The following C8orf34 variants were observed in gnomAD, a reference collection of about 807,000 sequenced individuals.
C8orf34 encodes chromosome 8 open reading frame 34.
A neutral mutation model predicts 68.3 loss-of-function variants in C8orf34; 65 were observed. The ratio of observed to expected loss-of-function variants is 0.95; its 90% CI spans 0.78 to 1.17. C8orf34 has a LOEUF of 1.17. Ranked by LOEUF, C8orf34 falls within the 50% of genes most tolerant of loss-of-function variation. The pLI, the probability that C8orf34 is intolerant of heterozygous loss-of-function variation, is 0.00. For synonymous variants in C8orf34, 244 were observed against 241.2 expected, an observed-to-expected ratio of 1.01 and a Z score of -0.11; for missense variants, 664 against 655.4, an observed-to-expected ratio of 1.01 and a Z score of -0.14.
At chr8:68,641,486 G>A (rs76273019) in intron 8 of C8orf34, among the ~76,000 whole-genome samples, 2,139 of 152,290 alleles carry the variant, frequency 0.014, 56 homozygotes, top group African/African-American at 0.048. Context: ...CATTGCTTCA[G>A]ACAAGTAATA....
In C8orf34 at chr8:68,607,100, CA is replaced by C. The variant is rs1448561497; in HGVS notation, c.1106-33275del. Reference sequence around the variant, plus strand: ...ATCGTCAATCAGAGTCTATCGCCAACAGCTGAAGGTATCCCGAGGCTAGTCT... The same window carrying C: ...ATCGTCAATCAGAGTCTATCGCCAACGCTGAAGGTATCCCGAGGCTAGTCT... On this transcript the variant is annotated intron_variant, in intron 7 of 13. Transcript: ENST00000518698. 9.6e-4 allele frequency among the ~76,000 whole-genome samples: 146 copies of C among 152,114 alleles called. 2 individuals are homozygous for C. Among genetic ancestry groups the C allele is most frequent in the Non-Finnish European group, 4.4e-5 (3 of 68,024 alleles).
At chr8:68,816,561 C>T (rs1357242549) in intron 13 of C8orf34, among the ~76,000 whole-genome samples, 1 of 152,062 alleles carries the variant, frequency 6.6e-6, no homozygotes, top group Non-Finnish European at 1.5e-5. Flanking sequence ...TTAATGCTAG[C>T]CTTTTCTCTG....
At chr8:68,700,867 AAAATGG>A (rs1820995613) in intron 8 of C8orf34, among the ~76,000 whole-genome samples, 1 of 152,162 alleles carries the variant, frequency 6.6e-6, no homozygotes, top group South Asian at 2.1e-4. Flanking sequence ...TGGAATTCTA[AAAATGG>A]AAATTTAACA....
chr8:68,529,777 TA>T (rs1815168214), intron 6 of C8orf34, among the ~76,000 whole-genome samples: 1 of 152,164 alleles, frequency 6.6e-6, no homozygotes, highest in African/African-American at 2.4e-5. Flanking sequence ...TAGAAATAAT[TA>T]TATTATGTTT....
intron 6 of C8orf34, among the ~76,000 whole-genome samples, chr8:68,529,289 T>G (rs1286920813): frequency 6.6e-6 from 1 of 152,204 alleles, no homozygotes; most frequent in Non-Finnish European, 1.5e-5. Context: ...CTTGTCCAAG[T>G]TACCCAGTGT....
intron 10 of C8orf34, among the ~76,000 whole-genome samples, chr8:68,738,034 C>T (rs1822172615): frequency 6.6e-6 from 1 of 152,078 alleles, no homozygotes; most frequent in Admixed American, 6.6e-5. Context: ...AAATAAAACA[C>T]TGCTCAGCAA....
At chr8:68,608,467 A>G (rs780764267) in intron 7 of C8orf34, among the ~76,000 whole-genome samples, 5 of 151,880 alleles carry the variant, frequency 3.3e-5, no homozygotes, top group Non-Finnish European at 7.4e-5. Flanking sequence ...GAGAGGATGG[A>G]GAGAGAATTC....
chr8:68,506,889 TC>T (rs1481633620), intron 5 of C8orf34, among the ~76,000 whole-genome samples: 3 of 152,192 alleles, frequency 2.0e-5, no homozygotes, highest in Admixed American at 6.5e-5. Context: ...TGATAAGTTT[TC>T]TAGAGCCGTT....
intron 1 of C8orf34, among the ~76,000 whole-genome samples, chr8:68,354,792 G>A (rs903182161): frequency 2.4e-4 from 37 of 152,186 alleles, no homozygotes; most frequent in African/African-American, 7.5e-4. Context: ...AAAGTAGATC[G>A]TAAAGTCTTG....
In C8orf34 at chr8:68,753,090, C is replaced by T. The variant is rs547454512; in HGVS notation, c.1405-23309C>T. Among the ~76,000 whole-genome samples, 23 of 152,148 alleles carry T rather than the reference C, an allele frequency of 1.5e-4. No homozygotes were observed. The South Asian group carries it at 4.2e-3, about 27-fold the overall frequency. On this transcript the variant is annotated intron_variant, in intron 10 of 13. Coordinates refer to ENST00000518698, the MANE Select transcript of C8orf34 (RefSeq NM_052958.4). ...CTGTATTGCCACACATTATTTTGTC[C>T]TTGAAGGAAAGCTTAAAAGAAAATG...
intron 8 of C8orf34, among the ~76,000 whole-genome samples, chr8:68,650,580 C>T (rs13258211): frequency 0.51 from 75,736 of 149,750 alleles, 20,015 homozygotes; most frequent in Non-Finnish European, 0.61. Context: ...CCCGGGTTCA[C>T]GCCATTCTCC....
intron 1 of C8orf34, among the ~76,000 whole-genome samples, chr8:68,429,066 A>G (rs185762164): frequency 2.7e-4 from 41 of 152,296 alleles, no homozygotes; most frequent in Admixed American, 2.0e-4. Flanking sequence ...AGCACAAAGC[A>G]TAAAATGAAG....
intron 5 of C8orf34, among the ~76,000 whole-genome samples, chr8:68,512,334 T>C (rs1190045817): frequency 2.6e-5 from 4 of 152,198 alleles, no homozygotes; most frequent in African/African-American, 9.6e-5. Flanking sequence ...GAATTGAACA[T>C]CATTTTGGCA....
chr8:68,539,212 A>G (rs536115297), intron 7 of C8orf34, among the ~76,000 whole-genome samples: 1 of 152,320 alleles, frequency 6.6e-6, no homozygotes, highest in African/African-American at 2.4e-5. Context: ...AATGCTTTAT[A>G]AAATGGTGAT....
intron 1 of C8orf34, among the ~76,000 whole-genome samples, chr8:68,397,865 A>T (rs9298133): frequency 0.52 from 79,558 of 151,816 alleles, 20,851 homozygotes; most frequent in Non-Finnish European, 0.56. Context: ...ACCTCCTGGG[A>T]TCAAATGATT....
At chr8:68,551,551 T>C (rs1816071615) in intron 7 of C8orf34, among the ~76,000 whole-genome samples, 1 of 152,032 alleles carries the variant, frequency 6.6e-6, no homozygotes, top group Non-Finnish European at 1.5e-5. Flanking sequence ...TATAGGAGGT[T>C]TTTTGTTTGT....
intron 1 of C8orf34, among the ~76,000 whole-genome samples, chr8:68,425,559 T>C (rs1192943553): frequency 2.0e-5 from 3 of 152,110 alleles, no homozygotes; most frequent in Non-Finnish European, 4.4e-5. Context: ...ATGTACCAGA[T>C]CTTTACGATG....
intron 12 of C8orf34, among the ~76,000 whole-genome samples, chr8:68,789,961 G>A (rs965331948): frequency 5.3e-5 from 8 of 152,182 alleles, no homozygotes; most frequent in Non-Finnish European, 1.0e-4. Flanking sequence ...TCTTAGCAAT[G>A]TTGTACTGGG....
At chr8:68,597,106 C>T (rs1817567014) in intron 7 of C8orf34, among the ~76,000 whole-genome samples, 1 of 152,012 alleles carries the variant, frequency 6.6e-6, no homozygotes, top group South Asian at 2.1e-4. Context: ...GAAACATTTG[C>T]ATGTTCAAAG....
Sources: allele counts gnomAD v4.1 joint callset (sites outside exome capture counted in the v4.1 genomes callset), GRCh38; gene constraint gnomAD v4.1.1; transcripts MANE v1.5; gene names NCBI Gene and HGNC (gene_info 2026-07-23, HGNC 2026-07-21).